Variants in NEK7 observed in about 807,000 individuals in gnomAD.
NEK7 encodes serine/threonine-protein kinase Nek7.
A neutral mutation model predicts 44.6 loss-of-function variants in NEK7; 18 were observed. The observed-to-expected ratio is 0.40, with a 90% CI of 0.28 to 0.60. The LOEUF is 0.60. NEK7 is among the 20% of genes least tolerant of loss of function. The pLI is 0.38. For synonymous variants in NEK7, 130 were observed against 121.1 expected (o/e 1.07, Z -0.48); for missense variants, 256 against 366.5 (o/e 0.70, Z 2.46).
chr1:198,158,972 G>A (rs1664006764), intron 1 of NEK7, among the ~76,000 whole-genome samples: 1 of 152,060 alleles, frequency 6.6e-6, no homozygotes, highest in Non-Finnish European at 1.5e-5. Context: ...GAAGGCCTGC[G>A]AAATAAAAAG....
intron 9 of NEK7, among the ~76,000 whole-genome samples, chr1:198,299,586 AATG>A (rs1376715765): frequency 6.6e-6 from 1 of 152,216 alleles, no homozygotes; most frequent in Non-Finnish European, 1.5e-5. Context: ...TTATAGCTAC[AATG>A]ATAACAGAGT....
chr1:198,275,959 A>G (rs1281190570), intron 5 of NEK7, among the ~76,000 whole-genome samples: 1 of 151,698 alleles, frequency 6.6e-6, no homozygotes, highest in East Asian at 1.9e-4. Context: ...AACTGCCTTT[A>G]TTTTGTGAAA....
chr1:198,252,441 T>C (rs1185862917), intron 2 of NEK7, among the ~76,000 whole-genome samples: 1 of 149,464 alleles, frequency 6.7e-6, no homozygotes, highest in Non-Finnish European at 1.5e-5. Context: ...TGCAAGGAGT[T>C]CTTATCTAAA....
chr1:198,248,909 C>CT (rs1363554098), intron 2 of NEK7, among the ~76,000 whole-genome samples: 2 of 151,624 alleles, frequency 1.3e-5, no homozygotes, highest in Non-Finnish European at 1.5e-5. Context: ...TACTATTATA[C>CT]TTTAAGTTTT....
At chr1:198,311,685 A>G (rs945505928) in intron 9 of NEK7, among the ~76,000 whole-genome samples, 1 of 152,178 alleles carries the variant, frequency 6.6e-6, no homozygotes, top group Admixed American at 6.5e-5. Flanking sequence ...TTCTGCATCT[A>G]TTGAGATAAT....
At chr1:198,269,567 T>C (rs539852490) in intron 5 of NEK7, among the ~76,000 whole-genome samples, 1 of 152,236 alleles carries the variant, frequency 6.6e-6, no homozygotes, top group African/African-American at 2.4e-5. Context: ...GATTCATTTC[T>C]TTTTAGTGAG....
chr1:198,203,024 T>A lies in NEK7; in HGVS notation c.-28-29529T>A, dbSNP rs562697495. 6.6e-3 allele frequency among the ~76,000 whole-genome samples: 1,000 copies of A among 152,330 alleles called. 9 individuals are homozygous for A. Among genetic ancestry groups the A allele is most frequent in the African/African-American group, 0.018 (767 of 41,558 alleles). On this transcript the variant is annotated intron_variant, in intron 1 of 9. Transcript: ENST00000367385. ...ATTGACATATTTGAATTACAAATGC[T>A]TTTGGAGTAAAATAAAATACTATGA...
chr1:198,291,309 A>C (rs1008992489), intron 7 of NEK7, among the ~76,000 whole-genome samples: 1 of 152,102 alleles, frequency 6.6e-6, no homozygotes, highest in Admixed American at 6.6e-5. Context: ...TATTATTCCA[A>C]CTGTACCTAC....
chr1:198,181,831 A>G (rs1216396285), intron 1 of NEK7, among the ~76,000 whole-genome samples: 4 of 152,114 alleles, frequency 2.6e-5, no homozygotes, highest in Non-Finnish European at 5.9e-5. Context: ...TTTTGTTAAC[A>G]TTTGACAGAG....
rs373960295 is a variant in NEK7, at chr1:198,294,767, T to C, written c.684+1728T>C. On this transcript the variant is annotated intron_variant, in intron 8 of 9. Coordinates refer to ENST00000367385, the MANE Select transcript of NEK7 (RefSeq NM_133494.3). The stretch of plus-strand genomic sequence containing the variant: ...CATGAGTTATATGTATTGTGGATGA[T>C]TTTGAGTTAAAGTATTATCATGCTA... 3.9e-5 allele frequency among the ~76,000 whole-genome samples: 6 copies of C among 152,286 alleles called. No individual in the cohort carries two copies. In the South Asian group the frequency reaches 1.2e-3, roughly 32 times the overall value.
At chr1:198,309,692 T>C (rs1655116237) in intron 9 of NEK7, among the ~76,000 whole-genome samples, 1 of 147,078 alleles carries the variant, frequency 6.8e-6, no homozygotes, top group Admixed American at 6.9e-5. Context: ...GAATATGCGG[T>C]GTTTGGTTTT....
At chr1:198,263,115 T>G (rs1653533228) in intron 4 of NEK7, among the ~76,000 whole-genome samples, 1 of 151,954 alleles carries the variant, frequency 6.6e-6, no homozygotes, top group Non-Finnish European at 1.5e-5. Flanking sequence ...GTTTCTCATC[T>G]ACTAAGAATA....
intron 8 of NEK7, among the ~76,000 whole-genome samples, chr1:198,293,838 A>G (rs1432736838): frequency 1.3e-5 from 2 of 151,936 alleles, no homozygotes; most frequent in Non-Finnish European, 3.0e-5. Flanking sequence ...AATGTAATAC[A>G]TGGAAGCATT....
intron 2 of NEK7, among the ~76,000 whole-genome samples, chr1:198,245,518 G>A (rs914320188): frequency 6.6e-6 from 1 of 152,178 alleles, no homozygotes; most frequent in African/African-American, 2.4e-5. Flanking sequence ...TGCTGGGTAT[G>A]AAAAAGGAAG....
intron 2 of NEK7, among the ~76,000 whole-genome samples, chr1:198,235,194 T>C (rs1666513495): frequency 1.3e-5 from 2 of 152,300 alleles, no homozygotes; most frequent in South Asian, 4.1e-4. Context: ...TGATGTATAT[T>C]GTTGGCATAT....
Position 198,249,889 on chromosome 1 carries a change from T to A in NEK7, c.58-3151T>A, listed in dbSNP as rs1020325564. The stretch of plus-strand genomic sequence containing the variant: ...TGCTGTGCTCTTTAGTTTAATTAGA[T>A]CCCATTTGTCAATTTTGGCTTTTGT... On this transcript the variant is annotated intron_variant, in intron 2 of 9. Transcript: ENST00000367385. 2.7e-5 allele frequency among the ~76,000 whole-genome samples: 4 copies of A among 147,266 alleles called. No individual in the cohort carries two copies. The Admixed American group carries it at 2.7e-4, about 10-fold the overall frequency.
chr1:198,311,027 A>C (rs79548401), intron 9 of NEK7, among the ~76,000 whole-genome samples: 1 of 144,936 alleles, frequency 6.9e-6, no homozygotes, highest in East Asian at 2.1e-4. Context: ...ATTACCTTGG[A>C]CAGTATGGCC....
At chr1:198,312,530 T>C (rs138143000) in intron 9 of NEK7, among the ~76,000 whole-genome samples, 6,946 of 150,864 alleles carry the variant, frequency 0.046, 247 homozygotes, top group Middle Eastern at 0.071. Flanking sequence ...ATTGTGATGT[T>C]AGGGTGTCAG....
intron 1 of NEK7, among the ~76,000 whole-genome samples, chr1:198,171,061 T>C (rs918490220): frequency 4.6e-5 from 7 of 152,136 alleles, no homozygotes; most frequent in African/African-American, 1.7e-4. Context: ...CCACTGCACC[T>C]GGCCAAAACA....
Sources: gnomAD v4.1 joint callset for allele counts (sites outside exome capture counted in the v4.1 genomes callset) on GRCh38, gnomAD v4.1.1 for gene constraint, MANE v1.5 for transcripts, NCBI Gene and HGNC (gene_info 2026-07-23, HGNC 2026-07-21) for gene names.